The following CDH2 variants were observed in gnomAD, a reference collection of about 807,000 sequenced individuals.
CDH2 encodes the protein cadherin-2.
A neutral mutation model predicts 92.0 loss-of-function variants in CDH2; 17 were observed. That is an observed-to-expected ratio of 0.18 (90% CI 0.13 to 0.28). The LOEUF is 0.28. Ranked by LOEUF, CDH2 falls within the 10% of genes least tolerant of loss-of-function variation. The pLI, the probability that CDH2 is intolerant of heterozygous loss-of-function variation, is 1.00. For missense variants in CDH2, 862 were observed against 1,133.1 expected, an observed-to-expected ratio of 0.76 and a Z score of 3.44; for synonymous variants, 419 against 415.9, an observed-to-expected ratio of 1.01 and a Z score of -0.09.
At chr18:27,968,003 G>A (rs984073869) in intron 14 of CDH2, among the ~76,000 whole-genome samples, 1 of 152,124 alleles carries the variant, frequency 6.6e-6, no homozygotes, top group Non-Finnish European at 1.5e-5. Flanking sequence ...CCATTTCAGG[G>A]AGTAATGCAA....
chr18:28,023,270 C>T (rs1304331164), intron 2 of CDH2, among the ~76,000 whole-genome samples: 1 of 152,096 alleles, frequency 6.6e-6, no homozygotes, highest in Non-Finnish European at 1.5e-5. Flanking sequence ...CATCTATAGC[C>T]TTTATAGCTT....
At chr18:27,941,034 T>A (rs1448544525) in intron 6 of CDH2, among the ~76,000 whole-genome samples, 2 of 87,590 alleles carry the variant, frequency 2.3e-5, no homozygotes, top group African/African-American at 4.1e-5. Context: ...AAGTAGCACC[T>A]TTTTTTTTTT....
rs115511979 is a variant in CDH2, at chr18:28,089,544, T to C, written c.172+58129A>G. ...TTTTAACAAAAAATTGCATATAAAT[T>C]GATAGTCTGTAAATAGAGTTACATT... On this transcript the variant is annotated intron_variant, in intron 2 of 15. Transcript: ENST00000269141. Among the ~76,000 whole-genome samples, 445 of 152,216 alleles carry C rather than the reference T, an allele frequency of 2.9e-3. 1 individual carries two copies. The highest frequency in any genetic ancestry group is 0.01 in the African/African-American group (423 of 41,546).
At chr18:27,982,296 G>A (rs1476293637) in intron 14 of CDH2, among the ~76,000 whole-genome samples, 1 of 152,166 alleles carries the variant, frequency 6.6e-6, no homozygotes, top group Non-Finnish European at 1.5e-5. Context: ...CCTTGAAGAG[G>A]TATGCAATCC....
chr18:28,074,239 G>A (rs1043339492), intron 2 of CDH2, among the ~76,000 whole-genome samples: 15 of 152,096 alleles, frequency 9.9e-5, no homozygotes, highest in Non-Finnish European at 4.4e-5. Context: ...CTGTATGAAG[G>A]CCTCAGCTAG....
intron 14 of CDH2, among the ~76,000 whole-genome samples, chr18:27,976,530 G>C (rs1270839568): frequency 6.6e-6 from 1 of 152,184 alleles, no homozygotes; most frequent in African/African-American, 2.4e-5. Flanking sequence ...CTTTGTAAAG[G>C]ATGGTATAAG....
intron 3 of CDH2, among the ~76,000 whole-genome samples, chr18:28,012,252 A>G (rs1463796481): frequency 6.6e-6 from 1 of 152,204 alleles, no homozygotes; most frequent in Non-Finnish European, 1.5e-5. Context: ...TGCAGTTTCT[A>G]TAAACCTTTT....
chr18:27,945,970 C>T (rs143263577), downstream of CDH2, among the ~76,000 whole-genome samples: 744 of 152,108 alleles, frequency 4.9e-3, 1 homozygote, highest in Non-Finnish European at 8.1e-3. Context: ...ACATATTTGG[C>T]TAAACAAACA....
At chr18:28,019,165 A>G (rs980666145) in intron 2 of CDH2, among the ~76,000 whole-genome samples, 3 of 151,784 alleles carry the variant, frequency 2.0e-5, no homozygotes, top group African/African-American at 7.3e-5. Flanking sequence ...CAGGGTGAGG[A>G]ATGAAAGACT....
At position 27,961,946 on chromosome 18, in the gene CDH2, C is replaced by CA. The variant is rs199764716; in HGVS notation, c.2514+1410dup. ...GGTGAGACCCTGTCTCTACAAAAAC[C>CA]AAAAAAAATTAAAAAAAAATTGTAA... On this transcript the variant is annotated intron_variant, in intron 15 of 15. Coordinates refer to ENST00000269141, the MANE Select transcript of CDH2 (RefSeq NM_001792.5). 3.5e-3 allele frequency among the ~76,000 whole-genome samples: 531 copies of CA among 150,720 alleles called. 2 individuals are homozygous for CA. The highest frequency in any genetic ancestry group is 0.012 in the African/African-American group (487 of 41,102).
intron 2 of CDH2, among the ~76,000 whole-genome samples, chr18:28,078,854 T>C (rs1228018700): frequency 6.6e-6 from 1 of 152,220 alleles, no homozygotes; most frequent in African/African-American, 2.4e-5. Flanking sequence ...AGCATGCTTA[T>C]TTCACATTTG....
intron 1 of CDH2, among the ~76,000 whole-genome samples, chr18:28,166,312 C>T (rs543001175): frequency 9.9e-5 from 15 of 151,678 alleles, no homozygotes; most frequent in African/African-American, 2.9e-4. Context: ...AAATGTTATA[C>T]GCAATCTGCA....
chr18:27,955,387 AAAAAGAAAG>A (rs1909660437), intron 15 of CDH2, among the ~76,000 whole-genome samples: 1 of 48,136 alleles, frequency 2.1e-5, no homozygotes, highest in Admixed American at 2.0e-4. Flanking sequence ...AAAAAAAAAG[AAAAAGAAAG>A]AAAAAGAGAA....
At chr18:28,151,430 A>G (rs1464842133) in intron 1 of CDH2, among the ~76,000 whole-genome samples, 17 of 152,226 alleles carry the variant, frequency 1.1e-4, no homozygotes, top group Non-Finnish European at 5.9e-5. Context: ...TACAACACAC[A>G]GCACAGCATC....
In CDH2 at chr18:27,983,063, C is replaced by T. The variant is rs1188062661; in HGVS notation, c.2230G>A (p.Val744Ile). ...TCTTTATCCCGGCGTTTCATCCATA[C>T]CACAAACATCAGCACAAGGACTAGG... ...ILLILVLMFV[V>I]WMKRRDKERQ... Residue 744 changes from valine (V) to isoleucine (I), a missense_variant, in exon 14 of 16, where the codon GTA becomes ATA. Around this residue, in one of 5 missense-constraint regions of CDH2, gnomAD observed 564 missense variants for 722.2 expected, o/e 0.78. Coordinates refer to ENST00000269141, the MANE Select transcript of CDH2 (RefSeq NM_001792.5). The T allele has an allele frequency of 1.9e-6, 3 of 1,612,316 alleles. No individual in the cohort carries two copies. The highest frequency in any genetic ancestry group is 1.1e-5 in the South Asian group (1 of 90,812).
intron 2 of CDH2, among the ~76,000 whole-genome samples, chr18:28,039,749 T>G (rs1459573933): frequency 6.6e-6 from 1 of 152,196 alleles, no homozygotes; most frequent in African/African-American, 2.4e-5. Context: ...CCTCCAATTT[T>G]AAAAGTTGTA....
Position 28,003,117 on chromosome 18 carries a change from G to C in CDH2, c.900C>G (p.Leu300=), listed in dbSNP as rs1272098053. The C allele has an allele frequency of 6.2e-7, 1 of 1,613,816 alleles. No homozygotes were observed. Among genetic ancestry groups the C allele is most frequent in the Non-Finnish European group, 8.5e-7 (1 of 1,179,862 alleles). The change falls in exon 7 of 16, where the codon CTC becomes CTG. Residue 300 remains leucine (L), a synonymous_variant. Coordinates refer to ENST00000269141, the MANE Select transcript of CDH2 (RefSeq NM_001792.5). Reference sequence around the variant, plus strand: ...CGATTCTGTACCTCAACATCCCATTGAGGGCATTGGGATCGTCAGCATCAA... The same window carrying C: ...CGATTCTGTACCTCAACATCCCATTCAGGGCATTGGGATCGTCAGCATCAA... ...TAIDADDPNA[L]NGMLRYRIVS...
chr18:28,005,564 A>G (rs2012890899), intron 6 of CDH2, among the ~76,000 whole-genome samples: 1 of 152,196 alleles, frequency 6.6e-6, no homozygotes, highest in Admixed American at 6.5e-5. Context: ...CTAAAGCAGA[A>G]CGAAAGGATC....
At chr18:27,942,575 T>C (rs1909165513) in intron 6 of CDH2, among the ~76,000 whole-genome samples, 1 of 152,236 alleles carries the variant, frequency 6.6e-6, no homozygotes, top group Non-Finnish European at 1.5e-5. Flanking sequence ...TGCAGTGCTC[T>C]GGAAGGCCAA....
Sources: allele counts gnomAD v4.1 joint callset (sites outside exome capture counted in the v4.1 genomes callset), GRCh38; gene constraint gnomAD v4.1.1; regional missense constraint gnomAD v4.1.1; transcripts MANE v1.5; gene names NCBI Gene and HGNC (gene_info 2026-07-23, HGNC 2026-07-21).